Variants in PHACTR1 observed in about 807,000 individuals in gnomAD.
PHACTR1 encodes RPEL repeat containing 1.
In PHACTR1, 16 loss-of-function variants were observed where a neutral mutation model predicts 69.2. The ratio of observed to expected loss-of-function variants is 0.23; its 90% confidence interval spans 0.16 to 0.35. The LOEUF (loss-of-function observed/expected upper bound fraction) is 0.35, where lower values mean the gene tolerates loss of function less well. PHACTR1 is among the 10% of genes least tolerant of loss of function. PHACTR1 has a pLI of 1.00. For synonymous variants in PHACTR1, 312 were observed against 284.5 expected, an observed-to-expected ratio of 1.10 and a Z score of -0.97; for missense variants, 510 against 734.7, an observed-to-expected ratio of 0.69 and a Z score of 3.54.
intron 10 of PHACTR1, among the ~76,000 whole-genome samples, chr6:13,250,141 A>G (rs1247061095): frequency 2.6e-5 from 4 of 152,230 alleles, no homozygotes; most frequent in South Asian, 4.1e-4. Context: ...CCACAAACCC[A>G]AAGTATTTAC....
At chr6:12,767,486 T>C (rs1458558123) in intron 4 of PHACTR1, among the ~76,000 whole-genome samples, 3 of 152,182 alleles carry the variant, frequency 2.0e-5, no homozygotes, top group African/African-American at 7.2e-5. Flanking sequence ...GTTGCTAACT[T>C]AGAGTAAATG....
Position 13,227,890 on chromosome 6 carries a change from C to T in PHACTR1, c.1061C>T (p.Ala354Val). The T allele has an allele frequency of 6.2e-7, 1 of 1,614,014 alleles. No homozygotes were observed. Among genetic ancestry groups the T allele is most frequent in the Non-Finnish European group, 8.5e-7 (1 of 1,179,904 alleles). ...CACTCGGGTGATGGGGTCACCAAAG[C>T]AGGACCTATGGGCCTTCCAGAAATA... is the stretch of plus-strand genomic sequence containing the variant. ...GLHSGDGVTK[A>V]GPMGLPEIRQ... Residue 354 changes from alanine to valine, a missense_variant, in exon 9 of 15, where the codon GCA (alanine) becomes GTA (valine). By Grantham distance (64) the Ala-to-Val change is moderately conservative. Around this residue, in one of 2 missense-constraint regions of PHACTR1, gnomAD observed 419 missense variants for 530.9 expected, o/e 0.79. Transcript: ENST00000332995.
chr6:13,264,479 G>A (rs547407423), intron 10 of PHACTR1, among the ~76,000 whole-genome samples: 2 of 152,336 alleles, frequency 1.3e-5, no homozygotes, highest in East Asian at 3.9e-4. Context: ...AGCACTTTGG[G>A]AGGCTGAGGG....
chr6:13,119,765 C>A (rs760502796), intron 5 of PHACTR1, among the ~76,000 whole-genome samples: 1 of 152,226 alleles, frequency 6.6e-6, no homozygotes, highest in Admixed American at 6.5e-5. Context: ...TCACCTTCAG[C>A]TCCAGGAACA....
chr6:13,244,200 G>C (rs893296291), intron 10 of PHACTR1, among the ~76,000 whole-genome samples: 3 of 152,156 alleles, frequency 2.0e-5, no homozygotes, highest in African/African-American at 4.8e-5. Context: ...GTTTTTATTA[G>C]GGGTTTTCAA....
intron 10 of PHACTR1, among the ~76,000 whole-genome samples, chr6:13,263,041 A>C (rs571180133): frequency 1.3e-5 from 2 of 152,310 alleles, no homozygotes; most frequent in South Asian, 4.1e-4. Context: ...GTGCAGCACA[A>C]CTAATCTCTG....
intron 4 of PHACTR1, among the ~76,000 whole-genome samples, chr6:12,817,733 G>A (rs1399424937): frequency 2.0e-5 from 3 of 152,128 alleles, no homozygotes; most frequent in Non-Finnish European, 4.4e-5. Flanking sequence ...AGGAAAGATG[G>A]GTACTGAAAT....
rs139562441 is a variant in PHACTR1 at position 12,902,889 on chromosome 6, C to T, written c.251-150476C>T. 2.6e-4 allele frequency among the ~76,000 whole-genome samples: 40 copies of T among 152,300 alleles called. No homozygotes were observed. The East Asian group carries it at 6.0e-3, about 23-fold the overall frequency. ...CAGGCCACTTAAGACCCCAGCAACC[C>T]GGTCCCCAGAAGACACTCAGCTTAC... On this transcript the variant is annotated intron_variant, in intron 4 of 14. Coordinates refer to ENST00000332995, the MANE Select transcript of PHACTR1 (RefSeq NM_030948.6).
intron 4 of PHACTR1, among the ~76,000 whole-genome samples, chr6:12,960,397 G>A (rs59778206): frequency 1.3e-5 from 2 of 152,166 alleles, no homozygotes; most frequent in African/African-American, 4.8e-5. Context: ...TCACATTTGT[G>A]CTCCTACAAA....
At chr6:13,069,665 T>G (rs920192716) in intron 5 of PHACTR1, among the ~76,000 whole-genome samples, 7 of 152,208 alleles carry the variant, frequency 4.6e-5, no homozygotes, top group Middle Eastern at 6.3e-3. Flanking sequence ...TAAGTTCATT[T>G]GATTTCCTTC....
At chr6:12,842,317 C>G (rs1419790413) in intron 4 of PHACTR1, among the ~76,000 whole-genome samples, 1 of 152,142 alleles carries the variant, frequency 6.6e-6, no homozygotes, top group Non-Finnish European at 1.5e-5. Flanking sequence ...CATAGACAGT[C>G]TTCAACTTTG....
At chr6:13,199,388 A>C (rs1451073073) in intron 7 of PHACTR1, among the ~76,000 whole-genome samples, 2 of 82,992 alleles carry the variant, frequency 2.4e-5, no homozygotes, top group African/African-American at 8.6e-5. Context: ...CATCTCAAAA[A>C]AAAAAAAAAA....
At chr6:12,961,963 C>A (rs758284629) in intron 4 of PHACTR1, among the ~76,000 whole-genome samples, 2 of 152,146 alleles carry the variant, frequency 1.3e-5, no homozygotes, top group Admixed American at 6.5e-5. Context: ...GGATCTGTCT[C>A]TGTCACCCGG....
chr6:12,914,944 C>T (rs983257374), intron 4 of PHACTR1, among the ~76,000 whole-genome samples: 2 of 152,218 alleles, frequency 1.3e-5, no homozygotes, highest in African/African-American at 4.8e-5. Context: ...AGCTGATCAA[C>T]AGTCACTCGG....
intron 4 of PHACTR1, among the ~76,000 whole-genome samples, chr6:12,819,377 A>G (rs941432381): frequency 2.0e-5 from 3 of 152,222 alleles, no homozygotes; most frequent in African/African-American, 7.2e-5. Context: ...CTTGTGGTGA[A>G]CACTAGAGCA....
intron 7 of PHACTR1, among the ~76,000 whole-genome samples, chr6:13,185,424 C>A (rs1762710680): frequency 6.8e-6 from 1 of 147,186 alleles, no homozygotes; most frequent in South Asian, 2.1e-4. Context: ...CAGTGTATTT[C>A]ACCTATTAAA....
chr6:13,229,482 C>T lies in PHACTR1; in HGVS notation c.1235-555C>T, dbSNP rs564726981. Among the ~76,000 whole-genome samples, 6 of 152,288 alleles carry T rather than the reference C, an allele frequency of 3.9e-5. No homozygotes were observed. The South Asian group carries it at 1.2e-3, about 32-fold the overall frequency. On this transcript the variant is annotated intron_variant, in intron 9 of 14. Coordinates refer to ENST00000332995, the MANE Select transcript of PHACTR1 (RefSeq NM_030948.6). ...ATTGCGTGTTTCAAAGCCCTCACCT[C>T]CACTCCCACCCCCAACCAGCCCCAC...
chr6:13,128,586 C>A (rs534588556), intron 5 of PHACTR1, among the ~76,000 whole-genome samples: 15 of 151,724 alleles, frequency 9.9e-5, no homozygotes, highest in South Asian at 8.3e-4. Context: ...TTTGAATTAA[C>A]CCAATCAGAC....
chr6:13,099,834 CA>C (rs1561829950), intron 5 of PHACTR1, among the ~76,000 whole-genome samples: 2 of 152,254 alleles, frequency 1.3e-5, no homozygotes, highest in East Asian at 3.9e-4. Flanking sequence ...GAGAAACAAA[CA>C]AGACACACAT....
Sources: gnomAD v4.1 joint callset for allele counts (sites outside exome capture counted in the v4.1 genomes callset) on GRCh38, gnomAD v4.1.1 for gene constraint, gnomAD v4.1.1 regional missense constraint, MANE v1.5 for transcripts, NCBI Gene and HGNC (gene_info 2026-07-23, HGNC 2026-07-21) for gene names.